Variants in ACOXL observed in about 807,000 individuals in gnomAD.
ACOXL encodes acyl-coenzyme A oxidase-like protein.
Under a neutral mutation model 71.9 loss-of-function variants are expected in ACOXL, and 70 were observed. The observed-to-expected ratio is 0.97, with a 90% CI of 0.80 to 1.19. The LOEUF is 1.19. ACOXL is among the 50% of genes most tolerant of loss of function. The probability of loss-of-function intolerance (pLI) is 0.00; values close to 1 mark genes in which losing one functional copy is unlikely to be tolerated. For synonymous variants in ACOXL, 253 were observed against 281.6 expected, an observed-to-expected ratio of 0.90 and a Z score of 1.02; for missense variants, 703 against 736.3, an observed-to-expected ratio of 0.95 and a Z score of 0.52.
chr2:110,751,414 C>G (rs963693751), intron 1 of ACOXL, among the ~76,000 whole-genome samples: 1 of 151,870 alleles, frequency 6.6e-6, no homozygotes, highest in South Asian at 2.1e-4. Flanking sequence ...ACTATACTTG[C>G]TTTATCACGT....
rs374791711 is a variant in ACOXL, at chr2:110,789,814, G to A, written c.160-3836G>A. The stretch of plus-strand genomic sequence containing the variant: ...TTGTGGAAATTTGCTCTTGGAATTA[G>A]GAAATCCTGAATACACTTGAAGTCT... On this transcript the variant is annotated intron_variant, in intron 3 of 17. Transcript: ENST00000439055. Among the ~76,000 whole-genome samples the A allele has an allele frequency of 9.2e-5, 14 of 152,358 alleles. No individual in the cohort carries two copies. In the East Asian group the frequency reaches 9.6e-4, roughly 11 times the overall value.
chr2:110,851,794 A>C (rs1692630902), intron 10 of ACOXL, among the ~76,000 whole-genome samples: 1 of 152,222 alleles, frequency 6.6e-6, no homozygotes, highest in African/African-American at 2.4e-5. Context: ...AACCACCTGG[A>C]AAACTCTCTG....
chr2:111,015,851 G>C (rs1246122975), intron 14 of ACOXL, among the ~76,000 whole-genome samples: 1 of 152,186 alleles, frequency 6.6e-6, no homozygotes, highest in Non-Finnish European at 1.5e-5. Context: ...TATGTTTAGT[G>C]AAAGAAGCCT....
intron 1 of ACOXL, among the ~76,000 whole-genome samples, chr2:110,754,063 T>A (rs973720530): frequency 6.7e-6 from 1 of 150,290 alleles, no homozygotes; most frequent in African/African-American, 2.5e-5. Flanking sequence ...TGTGTGTAGT[T>A]CTGTGAATTT....
intron 12 of ACOXL, among the ~76,000 whole-genome samples, chr2:110,982,579 G>C (rs2062756543): frequency 6.6e-6 from 1 of 152,188 alleles, no homozygotes; most frequent in Non-Finnish European, 1.5e-5. Flanking sequence ...GGAAAATCAA[G>C]ACCATCCCCT....
At chr2:110,876,085 G>A (rs1432604005) in intron 10 of ACOXL, among the ~76,000 whole-genome samples, 2 of 152,148 alleles carry the variant, frequency 1.3e-5, no homozygotes, top group African/African-American at 4.8e-5. Flanking sequence ...CTGACTGCAC[G>A]GTACTTTATA....
intron 10 of ACOXL, among the ~76,000 whole-genome samples, chr2:110,892,052 A>T (rs1370619255): frequency 1.3e-5 from 2 of 152,238 alleles, no homozygotes; most frequent in African/African-American, 4.8e-5. Flanking sequence ...TATCTCTGCA[A>T]ATCAGATAAA....
intron 9 of ACOXL, among the ~76,000 whole-genome samples, chr2:110,805,746 C>G (rs565416544): frequency 1.3e-5 from 2 of 152,210 alleles, no homozygotes; most frequent in Non-Finnish European, 2.9e-5. Flanking sequence ...GGGCAAAGGT[C>G]GGCATGTCTT....
intron 1 of ACOXL, among the ~76,000 whole-genome samples, chr2:110,756,628 C>T (rs72830997): frequency 0.026 from 3,973 of 152,130 alleles, 76 homozygotes; most frequent in East Asian, 0.055. Flanking sequence ...TATTCTAGTA[C>T]GTGGTGTGAA....
At chr2:111,085,595 T>G (rs1381309326) in intron 16 of ACOXL, among the ~76,000 whole-genome samples, 1 of 152,102 alleles carries the variant, frequency 6.6e-6, no homozygotes, top group East Asian at 1.9e-4. Flanking sequence ...AGAGTGAAAT[T>G]TATATCACTA....
intron 12 of ACOXL, among the ~76,000 whole-genome samples, chr2:110,984,786 G>A (rs1414331415): frequency 6.6e-6 from 1 of 152,148 alleles, no homozygotes; most frequent in Non-Finnish European, 1.5e-5. Context: ...GATGAGATAG[G>A]GAGAACAGGA....
intron 14 of ACOXL, among the ~76,000 whole-genome samples, chr2:111,018,338 C>T (rs556091628): frequency 6.6e-6 from 1 of 152,248 alleles, no homozygotes; most frequent in South Asian, 2.1e-4. Context: ...AATGGCAGAG[C>T]GTGCCCTGTC....
At chr2:111,060,068 C>T (rs1290946715) in intron 16 of ACOXL, among the ~76,000 whole-genome samples, 2 of 152,158 alleles carry the variant, frequency 1.3e-5, no homozygotes, top group Non-Finnish European at 1.5e-5. Flanking sequence ...ACTCACGAGA[C>T]TACAATGAGG....
intron 10 of ACOXL, among the ~76,000 whole-genome samples, chr2:110,847,083 T>G (rs988963902): frequency 1.1e-4 from 16 of 152,084 alleles, no homozygotes. Flanking sequence ...ATCCACACAG[T>G]GGTGACAGCT....
chr2:111,107,727 A>T (rs2069645414), intron 17 of ACOXL, among the ~76,000 whole-genome samples: 1 of 152,194 alleles, frequency 6.6e-6, no homozygotes, highest in South Asian at 2.1e-4. Flanking sequence ...ATCTCATGTG[A>T]TCTGCCCGCC....
chr2:110,847,614 T>A (rs1200613582), intron 10 of ACOXL, among the ~76,000 whole-genome samples: 2 of 152,244 alleles, frequency 1.3e-5, no homozygotes, highest in Admixed American at 1.3e-4. Context: ...TGCAGTTCTT[T>A]CCCACAACTG....
At chr2:111,056,215 G>A (rs993385947) in intron 16 of ACOXL, among the ~76,000 whole-genome samples, 1 of 135,618 alleles carries the variant, frequency 7.4e-6, no homozygotes, top group South Asian at 2.4e-4. Context: ...AAAAAAAAAA[G>A]TTGGGAGAAG....
intron 5 of ACOXL, among the ~76,000 whole-genome samples, chr2:110,797,145 C>G (rs1685380849): frequency 6.6e-6 from 1 of 152,100 alleles, no homozygotes; most frequent in Non-Finnish European, 1.5e-5. Context: ...TGGGGAGAGC[C>G]AAGAAGTGAG....
At chr2:111,042,570 G>C (rs1190338790) in intron 15 of ACOXL, among the ~76,000 whole-genome samples, 1 of 152,232 alleles carries the variant, frequency 6.6e-6, no homozygotes, top group Admixed American at 6.5e-5. Flanking sequence ...AACAGGGAAT[G>C]ACAAGGGGCC....
Sources: allele counts gnomAD v4.1 joint callset (sites outside exome capture counted in the v4.1 genomes callset), GRCh38; gene constraint gnomAD v4.1.1; transcripts MANE v1.5; gene names NCBI Gene and HGNC (gene_info 2026-07-23, HGNC 2026-07-21).